The following FAT2 variants were observed in gnomAD, a reference collection of about 807,000 sequenced individuals.
FAT2 encodes FAT atypical cadherin 2.
Under a neutral mutation model 295.3 loss-of-function variants are expected in FAT2, and 150 were observed. The ratio of observed to expected loss-of-function variants is 0.51; its 90% CI spans 0.44 to 0.58. The LOEUF (loss-of-function observed/expected upper bound fraction) is 0.58, where lower values mean the gene tolerates loss of function less well. Among genes scored for constraint, FAT2 ranks in the 20% least tolerant of loss-of-function variants. The pLI is 0.00. For missense variants in FAT2, 4,868 were observed against 5,442.7 expected (o/e 0.89, Z 3.32); for synonymous variants, 2,026 against 2,150.3 (o/e 0.94, Z 1.60).
intron 12 of FAT2, among the ~76,000 whole-genome samples, chr5:151,535,293 C>A (rs1012280404): frequency 6.6e-6 from 1 of 151,960 alleles, no homozygotes; most frequent in African/African-American, 2.4e-5. Flanking sequence ...TCTCTTTGAC[C>A]TTCTCCTGCT....
At position 151,531,580 on chromosome 5, in the gene FAT2, C is replaced by T. The variant is rs1224792984; in HGVS notation, c.9811+7G>A. The stretch of plus-strand genomic sequence containing the variant: ...ATGCTTTGGGGCTTGGTGGATCAGG[C>T]TCTCACCTGTGCGAGCATCCAGGCG... On this transcript the variant is annotated splice_region_variant and intron_variant, in intron 14 of 23. Transcript: ENST00000261800. The surrounding 1 kb of genome is among the most constrained non-coding windows in gnomAD (Gnocchi z 5.7). 1 of 1,611,984 alleles carries T rather than the reference C, an allele frequency of 6.2e-7. No individual in the cohort carries two copies. The highest frequency in any genetic ancestry group is 8.5e-7 in the Non-Finnish European group (1 of 1,179,868).
At chr5:151,540,471 A>G in intron 11 of FAT2, 96 bp downstream of exon 11, 5 of 999,926 alleles carry the variant, frequency 5.0e-6, no homozygotes, top group Non-Finnish European at 7.0e-6. Context: ...CTGCCCCTCA[A>G]TCTCCCTTCT....
chr5:151,566,725 C>T lies in FAT2; in HGVS notation c.2207G>A (p.Arg736His), dbSNP rs148707799. Residue 736 changes from arginine (R) to histidine (H), a missense_variant, in exon 2 of 24, where the codon CGC (arginine) becomes CAC (histidine). Transcript: ENST00000261800. Reference sequence around the variant, plus strand: ...AGCATCAGGGTCAGTGGCTGCTAGGCGGGCCAAGGGGGTGTTGATAGGGAC... The same window carrying T: ...AGCATCAGGGTCAGTGGCTGCTAGGTGGGCCAAGGGGGTGTTGATAGGGAC... ...ESVPINTPLARLAATDPDAGF... is the reference protein window; with the variant it reads ...ESVPINTPLAHLAATDPDAGF... 2.3e-5 allele frequency: 37 copies of T among 1,613,900 alleles called. No homozygotes were observed. Among genetic ancestry groups the T allele is most frequent in the Admixed American group, 5.0e-5 (3 of 59,980 alleles).
In FAT2 at chr5:151,543,098, C is replaced by T. The variant is rs1756315906; in HGVS notation, c.8029G>A (p.Val2677Ile). ...TTTTTAGGAACCACCTGAAGTCGTA[C>T]TGGCACCAGAGAGTTCCAGTGAGGA... ...GPPHWNSLVPVRLQVVPKKVS... is the reference protein window; with the variant it reads ...GPPHWNSLVPIRLQVVPKKVS... The change falls in exon 10 of 24, where the codon GTA (valine) becomes ATA (isoleucine). Residue 2677 changes from valine to isoleucine, a missense_variant. Around this residue, in one of 5 missense-constraint regions of FAT2, gnomAD observed 3,297 missense variants for 3,669.4 expected, o/e 0.90. Coordinates refer to ENST00000261800, the MANE Select transcript of FAT2 (RefSeq NM_001447.3). 1 of 1,614,102 alleles carries T rather than the reference C, an allele frequency of 6.2e-7. No homozygotes were observed. The highest frequency in any genetic ancestry group is 1.1e-5 in the South Asian group (1 of 91,086).
At chr5:151,520,381 A>G (rs1753318055) in intron 19 of FAT2, among the ~76,000 whole-genome samples, 1 of 152,226 alleles carries the variant, frequency 6.6e-6, no homozygotes. Flanking sequence ...CGAGGCCTTC[A>G]TTGGAAGCTG....
chr5:151,588,478 C>T (rs553248778), intron 1 of FAT2, among the ~76,000 whole-genome samples: 1 of 152,348 alleles, frequency 6.6e-6, no homozygotes, highest in East Asian at 1.9e-4. Context: ...TCTAAGCGCC[C>T]TTCCACTGGA....
At chr5:151,569,701 T>C (rs951300495) in intron 1 of FAT2, among the ~76,000 whole-genome samples, 3 of 152,224 alleles carry the variant, frequency 2.0e-5, no homozygotes, top group African/African-American at 4.8e-5. Context: ...CTGTGACTCC[T>C]TGGGCGATGG....
At chr5:151,548,606 G>A (rs1259365153) in intron 9 of FAT2, among the ~76,000 whole-genome samples, 1 of 151,988 alleles carries the variant, frequency 6.6e-6, no homozygotes, top group African/African-American at 2.4e-5. Context: ...TCAGCCTCCC[G>A]AGTAGCTGGG....
Position 151,545,620 on chromosome 5 carries a change from A to G in FAT2, c.5507T>C (p.Phe1836Ser). The change falls in exon 10 of 24, where the codon TTC becomes TCC. Residue 1836 changes from phenylalanine (F) to serine (S), a missense_variant. Physicochemically the swap from Phe to Ser is radical, Grantham distance 155. Transcript: ENST00000261800. ...SEMDYESMPS[F>S]QFCVYVHDQG... ...GTCATGGACATAGACACAGAATTGG[A>G]AAGAGGGCATGCTCTCATAATCCAT... is the stretch of plus-strand genomic sequence containing the variant. 1 of 1,614,082 alleles carries G rather than the reference A, an allele frequency of 6.2e-7. No homozygotes were observed. Among genetic ancestry groups the G allele is most frequent in the Non-Finnish European group, 8.5e-7 (1 of 1,179,970 alleles).
At chr5:151,540,897 C>CGA in intron 10 of FAT2, 134 bp from the exon 11 acceptor site, 5 of 762,960 alleles carry the variant, frequency 6.6e-6, no homozygotes, top group Admixed American at 2.9e-5. Flanking sequence ...TAACTAGGAA[C>CGA]CCACGATTCT....
intron 14 of FAT2, among the ~76,000 whole-genome samples, chr5:151,530,251 G>GA (rs35386457): frequency 0.012 from 1,514 of 128,624 alleles, 17 homozygotes; most frequent in African/African-American, 0.034. Context: ...CTTAACACCA[G>GA]AAAAAAAAAA....
In FAT2 at chr5:151,588,165, A is replaced by G. The variant is rs1345449160; in HGVS notation, c.-21+3000T>C. On this transcript the variant is annotated intron_variant, in intron 1 of 23. Transcript: ENST00000261800. ...TGTATGTGTGTGTTGGTGCATGTTG[A>G]GAGAGAGGAGTCTGATTGATGATGT... Among the ~76,000 whole-genome samples the G allele has an allele frequency of 4.6e-5, 7 of 152,152 alleles. No homozygotes were observed. In the East Asian group the frequency reaches 1.4e-3, roughly 29 times the overall value.
chr5:151,543,711 T>C lies in FAT2; in HGVS notation c.7416A>G (p.Thr2472=), dbSNP rs775367425. ...RATVPVYINT[T]NANKYSPEFQ... ...ACTCTGGGCTGTACTTGTTGGCATT[T>C]GTAGTGTTGATGTACACAGGCACAG... The change falls in exon 10 of 24, where the codon ACA becomes ACG. Residue 2472 remains threonine (T), a synonymous_variant. Transcript: ENST00000261800. 2 of 1,614,194 alleles carry C rather than the reference T, an allele frequency of 1.2e-6. No homozygotes were observed. The highest frequency in any genetic ancestry group is 1.7e-5 in the Admixed American group (1 of 60,024).
At position 151,507,417 on chromosome 5, in the gene FAT2, T is replaced by C. The variant is rs777974723; in HGVS notation, c.12254A>G (p.Asp4085Gly). Reference sequence around the variant, plus strand: ...AACACCAACACTCCTGGCCAGGAGGTCTGGGTCCTCCATGGCCACAGGCTT... The same window carrying C: ...AACACCAACACTCCTGGCCAGGAGGCCTGGGTCCTCCATGGCCACAGGCTT... ...SHKPVAMEDPDLLARSVGVDT... is the reference protein window; with the variant it reads ...SHKPVAMEDPGLLARSVGVDT... Residue 4085 changes from aspartate to glycine, a missense_variant, in exon 23 of 24, where the codon GAC (aspartate) becomes GGC (glycine). By Grantham distance (94) the Asp-to-Gly change is moderately conservative (BLOSUM62 -1). Around this residue, in one of 5 missense-constraint regions of FAT2, gnomAD observed 492 missense variants for 482.6 expected, o/e 1.02. Transcript: ENST00000261800. 6.2e-7 allele frequency: 1 copy of C among 1,614,020 alleles called. No individual in the cohort carries two copies. The highest frequency in any genetic ancestry group is 1.1e-5 in the South Asian group (1 of 91,072).
chr5:151,574,417 A>G (rs1452557104), intron 1 of FAT2, among the ~76,000 whole-genome samples: 1 of 152,218 alleles, frequency 6.6e-6, no homozygotes, highest in Non-Finnish European at 1.5e-5. Flanking sequence ...TATTCTGTTT[A>G]TGAAAAACCT....
intron 16 of FAT2, among the ~76,000 whole-genome samples, chr5:151,527,643 A>G (rs1206802392): frequency 6.6e-6 from 1 of 152,110 alleles, no homozygotes; most frequent in Non-Finnish European, 1.5e-5. Context: ...CACTTCCTTA[A>G]ATTATTTTGA....
chr5:151,545,985 G>T lies in FAT2; in HGVS notation c.5142C>A (p.Thr1714=), dbSNP rs1460206117. ...TTTTCTCATGGTCCAATTTCTTCTG[G>T]GTGGAAATAAGGCCAGAATATGAGT... The part of the protein sequence containing the change: ...SMNSYSGLIS[T]QKKLDHEKIS... Residue 1714 remains threonine, a synonymous_variant, in exon 10 of 24, where the codon ACC becomes ACA. Transcript: ENST00000261800. 6.2e-7 allele frequency: 1 copy of T among 1,614,036 alleles called. No homozygotes were observed. The highest frequency in any genetic ancestry group is 8.5e-7 in the Non-Finnish European group (1 of 1,180,020).
At chr5:151,552,901 A>G (rs1370478426) in intron 6 of FAT2, among the ~76,000 whole-genome samples, 1 of 152,208 alleles carries the variant, frequency 6.6e-6, no homozygotes, top group Non-Finnish European at 1.5e-5. Flanking sequence ...GAACCATTTT[A>G]GGTCTCCTAG....
chr5:151,558,941 C>G (rs1328610032), intron 3 of FAT2, among the ~76,000 whole-genome samples: 1 of 152,202 alleles, frequency 6.6e-6, no homozygotes, highest in African/African-American at 2.4e-5. Context: ...TGTGGACGGT[C>G]TCTTGTAAAT....
Sources: gnomAD v4.1 joint callset for allele counts (sites outside exome capture counted in the v4.1 genomes callset) on GRCh38, gnomAD v4.1.1 for gene constraint, gnomAD v4.1.1 regional missense constraint, Gnocchi (gnomAD v3.1) non-coding constraint, MANE v1.5 for transcripts, NCBI Gene and HGNC (gene_info 2026-07-23, HGNC 2026-07-21) for gene names.